The following RHBDL2 variants were observed in gnomAD, a reference collection of about 807,000 sequenced individuals.
RHBDL2 encodes rhomboid like 2.
A neutral mutation model predicts 31.7 loss-of-function variants in RHBDL2; 26 were observed. The ratio of observed to expected loss-of-function variants is 0.82; its 90% CI spans 0.60 to 1.14. RHBDL2 has a LOEUF of 1.14. RHBDL2 is among the 50% of genes most tolerant of loss of function. The pLI, the probability that RHBDL2 is intolerant of heterozygous loss-of-function variation, is 0.00. For missense variants in RHBDL2, 336 were observed against 364.4 expected (o/e 0.92, Z 0.63); for synonymous variants, 123 against 127.2 (o/e 0.97, Z 0.22).
At chr1:38,896,647 T>C (rs892767142) in intron 4 of RHBDL2, among the ~76,000 whole-genome samples, 1 of 152,198 alleles carries the variant, frequency 6.6e-6, no homozygotes, top group Non-Finnish European at 1.5e-5. Context: ...AATAGCTATC[T>C]TTCTCAATGA....
Position 38,886,540 on chromosome 1 carries a change from A to C in RHBDL2, c.876T>G (p.Ala292=). 1 of 1,596,534 alleles carries C rather than the reference A, an allele frequency of 6.3e-7. No individual in the cohort carries two copies. Among genetic ancestry groups the C allele is most frequent in the Non-Finnish European group, 8.6e-7 (1 of 1,169,136 alleles). Residue 292 remains alanine, a synonymous_variant, in exon 8 of 8, where the codon GCT becomes GCG. Coordinates refer to ENST00000372990, the MANE Select transcript of RHBDL2 (RefSeq NM_017821.5). ...IAAYLACVLF[A]VFFNIFLSPA... is the part of the protein sequence containing the mutation. ...GAGATAGGAAAATGTTGAAAAACACAGCAAATAAGACACAAGCTAAATATG... is the reference window on the plus strand; with the variant it reads ...GAGATAGGAAAATGTTGAAAAACACCGCAAATAAGACACAAGCTAAATATG...
rs1642875313 is a variant in RHBDL2, at chr1:38,893,192, A to C, written c.642T>G (p.Ile214Met). The C allele has an allele frequency of 1.9e-6, 3 of 1,572,306 alleles. No homozygotes were observed. Among genetic ancestry groups the C allele is most frequent in the Non-Finnish European group, 2.6e-6 (3 of 1,143,146 alleles). The change falls in exon 6 of 8, where the codon ATT (isoleucine) becomes ATG (methionine). Residue 214 changes from isoleucine to methionine, a missense_variant. By Grantham distance (10) the Ile-to-Met change is conservative. Coordinates refer to ENST00000372990, the MANE Select transcript of RHBDL2 (RefSeq NM_017821.5). ...NFQEMIPAFG[I>M]FRLLIIILII... ...TCAGGATGATGATCAGCAGTCTGAAAATTCCAAAGGCAGGAATCATTTCTT... is the reference window on the plus strand; with the variant it reads ...TCAGGATGATGATCAGCAGTCTGAACATTCCAAAGGCAGGAATCATTTCTT...
In RHBDL2 at chr1:38,929,594, C is replaced by T. The variant is rs926973307; in HGVS notation, c.-125-10257G>A. 132 of 1,278,418 alleles carry T rather than the reference C, an allele frequency of 1.0e-4. No homozygotes were observed. In the East Asian group the frequency reaches 2.0e-3, roughly 19 times the overall value. The allele number at this position is 1,278,418 out of a possible 1,614,324, so 79.2% of individuals were successfully genotyped here. ...TCATTGGTACCAGGCAGGCCCCTGC[C>T]GGGGCTGAGACCCGCCTTGATGTGG... On this transcript the variant is annotated intron_variant, in intron 1 of 7. Transcript: ENST00000372990.
intron 4 of RHBDL2, among the ~76,000 whole-genome samples, 160 bp from the exon 5 acceptor site, chr1:38,896,229 A>G (rs1642917453): frequency 6.6e-6 from 1 of 152,264 alleles, no homozygotes; most frequent in South Asian, 2.1e-4. Context: ...ATAGCTGTAT[A>G]TGCTAACTAC....
In RHBDL2 at chr1:38,919,038, G is replaced by A. The variant is rs1406984635; in HGVS notation, c.175C>T (p.Arg59Ter). Residue 59 changes from arginine to a stop codon, truncating the protein, a stop_gained, in exon 2 of 8, where the codon CGA becomes TGA. Transcript: ENST00000372990. LOFTEE classifies it high-confidence loss of function. Reference sequence around the variant, plus strand: ...TTAGCTCTCTCCAAGTATGTTCCTCGGGACTTTTCGGGCAGCATCCATTTT... The same window carrying A: ...TTAGCTCTCTCCAAGTATGTTCCTCAGGACTTTTCGGGCAGCATCCATTTT... ...VSKWMLPEKS[R>*]GTYLERANCF... 21 of 1,613,946 alleles carry A rather than the reference G, an allele frequency of 1.3e-5. No individual in the cohort carries two copies. The highest frequency in any genetic ancestry group is 3.3e-5 in the Admixed American group (2 of 59,960).
chr1:38,913,043 C>T (rs544744895), intron 3 of RHBDL2, among the ~76,000 whole-genome samples: 2 of 148,268 alleles, frequency 1.3e-5, no homozygotes, highest in Admixed American at 6.8e-5. Context: ...AGTGCGGTGG[C>T]GCGATCTCGG....
At chr1:38,912,910 A>ATATATATGTGTGTGTGTGTG (rs1399583863) in intron 3 of RHBDL2, among the ~76,000 whole-genome samples, 18 of 41,366 alleles carry the variant, frequency 4.4e-4, no homozygotes, top group African/African-American at 1.5e-3. Context: ...ATATATATAT[A>ATATATATGTGTGTGTGTGTG]TGTGTGTGTG....
chr1:38,926,949 C>T (rs1005851395), intron 1 of RHBDL2: 2 of 152,254 alleles, frequency 1.3e-5, no homozygotes, highest in Non-Finnish European at 2.9e-5. Flanking sequence ...AAAGATGACA[C>T]GCAAATTCGT....
intron 6 of RHBDL2, among the ~76,000 whole-genome samples, chr1:38,892,736 G>C (rs1383426796): frequency 6.6e-6 from 1 of 152,160 alleles, no homozygotes; most frequent in Non-Finnish European, 1.5e-5. Context: ...GGGGCCAGGG[G>C]ACAAAAGCAC....
At chr1:38,908,772 A>G (rs946934479) in intron 4 of RHBDL2, among the ~76,000 whole-genome samples, 1 of 152,138 alleles carries the variant, frequency 6.6e-6, no homozygotes, top group Non-Finnish European at 1.5e-5. Context: ...TTAGTTTAGT[A>G]GTCTGTAGGT....
chr1:38,886,851 G>A (rs569797050), intron 7 of RHBDL2, among the ~76,000 whole-genome samples, 168 bp from the exon 8 acceptor site: 17 of 152,332 alleles, frequency 1.1e-4, no homozygotes, highest in African/African-American at 4.1e-4. Context: ...CATGTGCACA[G>A]AGAGAAGGAG....
At chr1:38,900,332 A>G (rs373552482) in intron 4 of RHBDL2, among the ~76,000 whole-genome samples, 72 of 151,700 alleles carry the variant, frequency 4.7e-4, no homozygotes, top group African/African-American at 1.7e-3. Context: ...AGACACAAGA[A>G]CCCCCTGGGC....
At position 38,928,882 on chromosome 1, in the gene RHBDL2, G is replaced by A. The variant is rs115073432; in HGVS notation, c.-125-9545C>T. On this transcript the variant is annotated intron_variant, in intron 1 of 7. Transcript: ENST00000372990. ...TTGAGACCAGCCTGGGCAACACAGC[G>A]AAAGCCTTTCTCTACAAAAAAAAAT... 7.0e-3 allele frequency among the ~76,000 whole-genome samples: 1,067 copies of A among 152,130 alleles called. 14 individuals carry two copies. Among genetic ancestry groups the A allele is most frequent in the African/African-American group, 0.025 (1,027 of 41,520 alleles).
intron 6 of RHBDL2, among the ~76,000 whole-genome samples, chr1:38,892,460 A>G (rs1642866424): frequency 6.6e-6 from 1 of 152,114 alleles, no homozygotes; most frequent in Non-Finnish European, 1.5e-5. Context: ...CTCCATAAAG[A>G]TACTAAAAGC....
chr1:38,903,687 C>CA (rs372554946), intron 4 of RHBDL2, among the ~76,000 whole-genome samples: 193 of 152,196 alleles, frequency 1.3e-3, no homozygotes, highest in African/African-American at 4.4e-3. Context: ...ATCCAAATCC[C>CA]AGCAGATTTT....
At position 38,939,135 on chromosome 1, in the gene RHBDL2, C is replaced by T. The variant is rs891901911; in HGVS notation, c.-126+2547G>A. 7.2e-5 allele frequency among the ~76,000 whole-genome samples: 11 copies of T among 152,136 alleles called. No individual in the cohort carries two copies. The South Asian group carries it at 1.0e-3, about 14-fold the overall frequency. Reference sequence around the variant, plus strand: ...ATGTAGGAATGAGTGAATGAGTTAACGAATCAGGGAAGGAGTCTGGATGCA... The same window carrying T: ...ATGTAGGAATGAGTGAATGAGTTAATGAATCAGGGAAGGAGTCTGGATGCA... On this transcript the variant is annotated intron_variant, in intron 1 of 7. Coordinates refer to ENST00000372990, the MANE Select transcript of RHBDL2 (RefSeq NM_017821.5).
chr1:38,890,129 C>A (rs1642836388), intron 6 of RHBDL2, among the ~76,000 whole-genome samples: 1 of 151,940 alleles, frequency 6.6e-6, no homozygotes, highest in African/African-American at 2.4e-5. Flanking sequence ...CCTCCACCTC[C>A]TGGGTTCACG....
intron 1 of RHBDL2, among the ~76,000 whole-genome samples, chr1:38,925,351 A>C (rs1294490119): frequency 1.3e-5 from 2 of 152,010 alleles, no homozygotes; most frequent in Non-Finnish European, 2.9e-5. Context: ...TACAAAAATT[A>C]GCCGGCAGTG....
intron 5 of RHBDL2, among the ~76,000 whole-genome samples, chr1:38,894,931 T>G (rs1390856273): frequency 6.6e-6 from 1 of 152,150 alleles, no homozygotes; most frequent in Non-Finnish European, 1.5e-5. Flanking sequence ...GGTCTCGATC[T>G]CTTGACCTCA....
Sources: allele counts gnomAD v4.1 joint callset (sites outside exome capture counted in the v4.1 genomes callset), GRCh38; gene constraint gnomAD v4.1.1; transcripts MANE v1.5; gene names NCBI Gene and HGNC (gene_info 2026-07-23, HGNC 2026-07-21).